Variants in POFUT3 observed in about 807,000 individuals in gnomAD.
POFUT3 encodes GDP-fucose protein O-fucosyltransferase 3.
the POFUT3 span, chr8:33,453,238 C>A: frequency 6.2e-7 from 1 of 1,614,152 alleles, no homozygotes; most frequent in South Asian, 1.1e-5. Context: ...ATGCTTTGGT[C>A]ATGTGATGAT....
the POFUT3 span, among the ~76,000 whole-genome samples, chr8:33,348,082 G>A: frequency 6.6e-6 from 1 of 151,512 alleles, no homozygotes; most frequent in African/African-American, 2.4e-5. Context: ...GGAGGCTGAA[G>A]CAGGAGAATT....
chr8:33,375,796 C>T, the POFUT3 span, among the ~76,000 whole-genome samples: 4 of 152,060 alleles, frequency 2.6e-5, no homozygotes, highest in Non-Finnish European at 4.4e-5. Flanking sequence ...GCAGGTGGAT[C>T]ACCTGAGGTC....
chr8:33,393,758 T>C, the POFUT3 span, among the ~76,000 whole-genome samples: 2 of 152,246 alleles, frequency 1.3e-5, no homozygotes, highest in Non-Finnish European at 2.9e-5. Flanking sequence ...GTTGATTCCA[T>C]GGAATGACAT....
the POFUT3 span, among the ~76,000 whole-genome samples, chr8:33,419,432 C>T: frequency 2.0e-5 from 3 of 152,118 alleles, no homozygotes; most frequent in Non-Finnish European, 4.4e-5. Flanking sequence ...TAATCTAAAT[C>T]CTTTGCATGT....
At chr8:33,386,127 T>A in the POFUT3 span, among the ~76,000 whole-genome samples, 1 of 137,528 alleles carries the variant, frequency 7.3e-6, no homozygotes, top group Non-Finnish European at 1.5e-5. Context: ...AGGCAGAGGT[T>A]GCAGTGAGCC....
chr8:33,461,586 G>A, the POFUT3 span: 2 of 1,543,560 alleles, frequency 1.3e-6, no homozygotes, highest in Admixed American at 3.9e-5. Context: ...TTCCTGCTGG[G>A]ACCAGGTCTC....
chr8:33,312,091 G>A, the POFUT3 span, among the ~76,000 whole-genome samples: 11 of 151,900 alleles, frequency 7.2e-5, no homozygotes, highest in Admixed American at 1.3e-4. Context: ...GTGAAACCCC[G>A]TCTCCACTAA....
the POFUT3 span, among the ~76,000 whole-genome samples, chr8:33,309,201 C>T: frequency 0.27 from 21,438 of 78,518 alleles, 2,979 homozygotes; most frequent in East Asian, 0.6. Context: ...TATATATATA[C>T]ACACACATAT....
At chr8:33,407,283 A>G in the POFUT3 span, among the ~76,000 whole-genome samples, 1 of 152,230 alleles carries the variant, frequency 6.6e-6, no homozygotes, top group South Asian at 2.1e-4. Context: ...ACATCGTCTG[A>G]GAGGCCCTGA....
the POFUT3 span, among the ~76,000 whole-genome samples, chr8:33,417,674 G>A: frequency 1.3e-5 from 2 of 152,072 alleles, no homozygotes; most frequent in African/African-American, 2.4e-5. Flanking sequence ...GGAGGGGTGG[G>A]GGCTTCAAGA....
At chr8:33,389,111 A>C in the POFUT3 span, 4 of 1,614,160 alleles carry the variant, frequency 2.5e-6, no homozygotes, top group South Asian at 3.3e-5. Flanking sequence ...CTCACCCTTC[A>C]GCTTCCATTC....
chr8:33,472,698 G>A, the POFUT3 span, among the ~76,000 whole-genome samples: 1 of 152,218 alleles, frequency 6.6e-6, no homozygotes, highest in African/African-American at 2.4e-5. Flanking sequence ...GCGGACCTGG[G>A]GAGGAGGCCG....
At chr8:33,391,953 G>C in the POFUT3 span, among the ~76,000 whole-genome samples, 2 of 152,102 alleles carry the variant, frequency 1.3e-5, no homozygotes, top group Admixed American at 6.5e-5. Context: ...ATGCAGAGCT[G>C]GGAAGCAGAA....
At chr8:33,448,555 C>T in the POFUT3 span, among the ~76,000 whole-genome samples, 1 of 152,116 alleles carries the variant, frequency 6.6e-6, no homozygotes, top group Non-Finnish European at 1.5e-5. Flanking sequence ...TGGCACATCC[C>T]TAACACTCCT....
chr8:33,323,317 C>T, the POFUT3 span, among the ~76,000 whole-genome samples: 1 of 152,186 alleles, frequency 6.6e-6, no homozygotes, highest in African/African-American at 2.4e-5. Flanking sequence ...TTATTTTCGA[C>T]CAAAGTTCTC....
chr8:33,407,110 T>C, the POFUT3 span, among the ~76,000 whole-genome samples: 1 of 152,184 alleles, frequency 6.6e-6, no homozygotes, highest in Admixed American at 6.5e-5. Flanking sequence ...AGGATGATAT[T>C]TCAAAATTTA....
chr8:33,315,533 G>A, the POFUT3 span, among the ~76,000 whole-genome samples: 1 of 152,102 alleles, frequency 6.6e-6, no homozygotes, highest in Non-Finnish European at 1.5e-5. Context: ...CGGTCGTGAA[G>A]AGGGGGTCAG....
the POFUT3 span, among the ~76,000 whole-genome samples, chr8:33,472,783 C>A: frequency 6.6e-6 from 1 of 152,184 alleles, no homozygotes; most frequent in Non-Finnish European, 1.5e-5. Flanking sequence ...GCCCGGCACC[C>A]GCCTCCCGCC....
At chr8:33,433,797 A>C in the POFUT3 span, among the ~76,000 whole-genome samples, 6 of 151,432 alleles carry the variant, frequency 4.0e-5, no homozygotes, top group South Asian at 2.1e-4. Flanking sequence ...AAAAAAAAAA[A>C]CAAAAAACTA....
Sources: gnomAD v4.1 joint callset for allele counts (sites outside exome capture counted in the v4.1 genomes callset) on GRCh38, gnomAD v4.1.1 for gene constraint, MANE v1.5 for transcripts, NCBI Gene and HGNC (gene_info 2026-07-23, HGNC 2026-07-21) for gene names.